The following ANAPC16 variants were observed in gnomAD, a reference collection of about 807,000 sequenced individuals.
ANAPC16 encodes the protein anaphase-promoting complex subunit 16.
Under a neutral mutation model 13.1 loss-of-function variants are expected in ANAPC16, and 6 were observed. The observed-to-expected ratio is 0.46, with a 90% CI of 0.25 to 0.90. The LOEUF is 0.90. ANAPC16 is among the 40% of genes least tolerant of loss of function. ANAPC16 has a pLI of 0.18. For missense variants in ANAPC16, 113 were observed against 131.1 expected (o/e 0.86, Z 0.67); for synonymous variants, 55 against 51.3 (o/e 1.07, Z -0.31).
In ANAPC16 at chr10:72,234,063, A is replaced by G. The variant is rs1589720322; in HGVS notation, c.*947A>G. ...CTCTTGTTGCCCAGGCTGTATCGCA[A>G]TGGCGCGATCTCTGCTCACTGCAAC... On this transcript the variant is annotated 3_prime_UTR_variant, in exon 4 of 4. Transcript: ENST00000299381. 2.0e-5 allele frequency: 3 copies of G among 151,714 alleles called. No homozygotes were observed. The South Asian group carries it at 6.2e-4, about 32-fold the overall frequency. The allele number at this position is 151,714 out of a possible 1,614,324, so 9.4% of individuals were successfully genotyped here.
At chr10:72,232,046 C>G (rs535479326) in intron 3 of ANAPC16, among the ~76,000 whole-genome samples, 1 of 151,284 alleles carries the variant, frequency 6.6e-6, no homozygotes, top group East Asian at 2.0e-4. Flanking sequence ...ATTAGCCAGG[C>G]ATGGTGGCAT....
Position 72,230,408 on chromosome 10 carries a change from A to G in ANAPC16, c.185A>G (p.Gln62Arg). 6.2e-7 allele frequency: 1 copy of G among 1,614,112 alleles called. No individual in the cohort carries two copies. The highest frequency in any genetic ancestry group is 1.7e-5 in the Admixed American group (1 of 60,016). Residue 62 changes from glutamine (Q) to arginine (R), a missense_variant, in exon 3 of 4, where the codon CAA becomes CGA. Gln to Arg is a conservative substitution (Grantham distance 43). Coordinates refer to ENST00000299381, the MANE Select transcript of ANAPC16 (RefSeq NM_173473.4). ...RFLCESVFSYQVASTLKQVKH... is the reference protein window; with the variant it reads ...RFLCESVFSYRVASTLKQVKH... ...CTCTGCGAATCTGTTTTTAGCTATCAAGTGGCATCCACGCTTAAACAGGTG... is the reference window on the plus strand; with the variant it reads ...CTCTGCGAATCTGTTTTTAGCTATCGAGTGGCATCCACGCTTAAACAGGTG...
chr10:72,232,861 C>T (rs112427290), intron 3 of ANAPC16, 140 bp from the exon 4 acceptor site: 2 of 662,252 alleles, frequency 3.0e-6, no homozygotes, highest in South Asian at 3.6e-5. Context: ...GCCTCGGCCT[C>T]CCAAAGTGCT....
rs1358166145 is a variant in ANAPC16, at chr10:72,234,223, G to A, written c.*1107G>A. 2.6e-5 allele frequency: 4 copies of A among 152,128 alleles called. No homozygotes were observed. The highest frequency in any genetic ancestry group is 5.9e-5 in the Non-Finnish European group (4 of 68,040). The allele number at this position is 152,128 out of a possible 1,614,324, so 9.4% of individuals were successfully genotyped here. On this transcript the variant is annotated 3_prime_UTR_variant, in exon 4 of 4. Coordinates refer to ENST00000299381, the MANE Select transcript of ANAPC16 (RefSeq NM_173473.4). Reference sequence around the variant, plus strand: ...GGGTTTCACCATGTTGACCAGGCTAGTCTCGAACTTCTGACCTCAGGTGAT... The same window carrying A: ...GGGTTTCACCATGTTGACCAGGCTAATCTCGAACTTCTGACCTCAGGTGAT...
At chr10:72,232,509 A>C (rs1280867922) in intron 3 of ANAPC16, among the ~76,000 whole-genome samples, 1 of 150,424 alleles carries the variant, frequency 6.6e-6, no homozygotes, top group African/African-American at 2.4e-5. Flanking sequence ...GCGCCATTGC[A>C]CTGCAGCCTG....
rs567091431 is a variant in ANAPC16, at chr10:72,216,044, G to C, written c.-122G>C. 1 of 152,494 alleles carries C rather than the reference G, an allele frequency of 6.6e-6. No homozygotes were observed. The highest frequency in any genetic ancestry group is 2.1e-4 in the South Asian group (1 of 4,830). The allele number at this position is 152,494 out of a possible 1,614,324, so 9.4% of individuals were successfully genotyped here. On this transcript the variant is annotated 5_prime_UTR_variant, in exon 1 of 4. Transcript: ENST00000299381. ...CTTCGCCGCTGGCTCCGTCTGTTGGGGGGCGAACACGCCGCGGTCCTCGTC... is the reference window on the plus strand; with the variant it reads ...CTTCGCCGCTGGCTCCGTCTGTTGGCGGGCGAACACGCCGCGGTCCTCGTC...
intron 1 of ANAPC16, chr10:72,220,794 C>T (rs1027648221): frequency 2.0e-5 from 3 of 150,944 alleles, no homozygotes; most frequent in Non-Finnish European, 4.4e-5. Context: ...CTGATCACCA[C>T]CAGTTACAGA....
chr10:72,230,931 T>C (rs1362944048), intron 3 of ANAPC16, among the ~76,000 whole-genome samples: 1 of 152,104 alleles, frequency 6.6e-6, no homozygotes, highest in African/African-American at 2.4e-5. Flanking sequence ...TGCTTCCTGC[T>C]CCTCTTGTGT....
intron 1 of ANAPC16, chr10:72,220,285 C>G (rs1374298187): frequency 1.4e-5 from 2 of 145,270 alleles, no homozygotes; most frequent in Admixed American, 1.4e-4. Flanking sequence ...GCCGAGATCG[C>G]GCCATTTCCA....
Position 72,233,085 on chromosome 10 carries a change from A to T in ANAPC16, c.302A>T (p.Gln101Leu), listed in dbSNP as rs927789792. 6 of 1,614,220 alleles carry T rather than the reference A, an allele frequency of 3.7e-6. No homozygotes were observed. Among genetic ancestry groups the T allele is most frequent in the South Asian group, 3.3e-5 (3 of 91,086 alleles). Residue 101 changes from glutamine to leucine, a missense_variant, in exon 4 of 4, where the codon CAG becomes CTG. By Grantham distance (113) the Gln-to-Leu change is moderately radical (BLOSUM62 -2). Coordinates refer to ENST00000299381, the MANE Select transcript of ANAPC16 (RefSeq NM_173473.4). ...GAGTGGCGGTTTAAGCCCATCGAGCAGCTGCTGGGATTCACCCCCTCTTCA... is the reference window on the plus strand; with the variant it reads ...GAGTGGCGGTTTAAGCCCATCGAGCTGCTGCTGGGATTCACCCCCTCTTCA... ...ADEWRFKPIEQLLGFTPSSG is the reference protein window; with the variant it reads ...ADEWRFKPIELLLGFTPSSG
intron 3 of ANAPC16, among the ~76,000 whole-genome samples, chr10:72,231,796 C>A (rs1860313349): frequency 1.3e-5 from 2 of 151,892 alleles, no homozygotes; most frequent in Non-Finnish European, 2.9e-5. Context: ...ACCTTGTGAT[C>A]CGCCTGCCTT....
intron 2 of ANAPC16, among the ~76,000 whole-genome samples, chr10:72,229,026 G>A (rs1249947688): frequency 2.0e-5 from 3 of 150,922 alleles, no homozygotes; most frequent in African/African-American, 7.4e-5. Context: ...AACTCTAATT[G>A]TCTATGCTTT....
intron 3 of ANAPC16, among the ~76,000 whole-genome samples, chr10:72,230,892 C>CA (rs951756679): frequency 2.0e-5 from 3 of 151,928 alleles, no homozygotes; most frequent in African/African-American, 7.2e-5. Flanking sequence ...GTCTGAAAAA[C>CA]AAAAAAAGTT....
chr10:72,233,077 C>T lies in ANAPC16; in HGVS notation c.294C>T (p.Pro98=), dbSNP rs774088740. The change falls in exon 4 of 4, where the codon CCC becomes CCT. Residue 98 remains proline, a synonymous_variant. Transcript: ENST00000299381. The part of the protein sequence containing the change: ...ELEADEWRFK[P]IEQLLGFTPS... ...AGGCTGACGAGTGGCGGTTTAAGCCCATCGAGCAGCTGCTGGGATTCACCC... is the reference window on the plus strand; with the variant it reads ...AGGCTGACGAGTGGCGGTTTAAGCCTATCGAGCAGCTGCTGGGATTCACCC... 7 of 1,614,188 alleles carry T rather than the reference C, an allele frequency of 4.3e-6. No individual in the cohort carries two copies. Among genetic ancestry groups the T allele is most frequent in the Non-Finnish European group, 5.9e-6 (7 of 1,180,038 alleles).
At chr10:72,222,834 T>TA (rs1011452089) in intron 1 of ANAPC16, among the ~76,000 whole-genome samples, 2 of 152,224 alleles carry the variant, frequency 1.3e-5, no homozygotes, top group African/African-American at 4.8e-5. Flanking sequence ...GAATTTTTGT[T>TA]AAAGTCGTGT....
intron 2 of ANAPC16, among the ~76,000 whole-genome samples, chr10:72,224,421 TG>T (rs944497047): frequency 2.0e-5 from 3 of 152,146 alleles, no homozygotes; most frequent in African/African-American, 7.2e-5. Flanking sequence ...GAGAGCAGCC[TG>T]GCCAACATGG....
intron 2 of ANAPC16, 23 bp from the exon 3 acceptor site, chr10:72,230,343 A>C: frequency 1.2e-6 from 2 of 1,605,888 alleles, no homozygotes; most frequent in Non-Finnish European, 1.7e-6. Flanking sequence ...GCAGATTAAA[A>C]CCTTTTCTCC....
At chr10:72,217,704 T>C (rs1859592332) in intron 1 of ANAPC16, among the ~76,000 whole-genome samples, 1 of 152,044 alleles carries the variant, frequency 6.6e-6, no homozygotes, top group South Asian at 2.1e-4. Context: ...TTATGAAGTG[T>C]TTACTAAGCC....
At chr10:72,230,284 A>G in intron 2 of ANAPC16, 82 bp from the exon 3 acceptor site, 1 of 1,066,764 alleles carries the variant, frequency 9.4e-7, no homozygotes, top group Non-Finnish European at 1.4e-6. Flanking sequence ...AAGCAGGGAA[A>G]AGAATAGACA....
Sources: gnomAD v4.1 joint callset for allele counts (sites outside exome capture counted in the v4.1 genomes callset) on GRCh38, gnomAD v4.1.1 for gene constraint, MANE v1.5 for transcripts, NCBI Gene and HGNC (gene_info 2026-07-23, HGNC 2026-07-21) for gene names.